The following PAN3 variants were observed in gnomAD, a reference collection of about 807,000 sequenced individuals.
The protein encoded by PAN3 is PAN2-PAN3 deadenylation complex subunit PAN3.
Under a neutral mutation model 96.2 loss-of-function variants are expected in PAN3, and 19 were observed. The ratio of observed to expected loss-of-function variants is 0.20; its 90% confidence interval spans 0.14 to 0.29. The LOEUF (loss-of-function observed/expected upper bound fraction) is 0.29, where lower values mean the gene tolerates loss of function less well. Among genes scored for constraint, PAN3 ranks in the 10% least tolerant of loss-of-function variants. The pLI, the probability that PAN3 is intolerant of heterozygous loss-of-function variation, is 1.00. For synonymous variants in PAN3, 433 were observed against 406.6 expected (o/e 1.06, Z -0.78); for missense variants, 882 against 1,108.1 (o/e 0.80, Z 2.90).
chr13:28,197,155 T>C (rs746880073), intron 4 of PAN3, 30 bp from the exon 5 acceptor site: 4 of 1,602,800 alleles, frequency 2.5e-6, no homozygotes, highest in Non-Finnish European at 3.4e-6. Context: ...ATGTTAGGAG[T>C]GGCCTGGTTT....
At chr13:28,250,545 T>G (rs1884623963) in intron 6 of PAN3, among the ~76,000 whole-genome samples, 1 of 152,180 alleles carries the variant, frequency 6.6e-6, no homozygotes, top group Non-Finnish European at 1.5e-5. Context: ...TTTTGTATTT[T>G]TAGTAGACAC....
chr13:28,192,038 TA>T (rs1345241348), intron 4 of PAN3, among the ~76,000 whole-genome samples: 2 of 145,320 alleles, frequency 1.4e-5, no homozygotes, highest in African/African-American at 5.2e-5. Context: ...TGCTTGGCAC[TA>T]AAACAATACT....
chr13:28,148,151 T>C (rs1870915532), intron 1 of PAN3, among the ~76,000 whole-genome samples: 1 of 152,126 alleles, frequency 6.6e-6, no homozygotes, highest in South Asian at 2.1e-4. Context: ...AGATGGGGTC[T>C]CCCTGTGTTT....
chr13:28,206,009 T>C (rs926251651), intron 5 of PAN3, among the ~76,000 whole-genome samples: 4 of 152,166 alleles, frequency 2.6e-5, no homozygotes, highest in Non-Finnish European at 5.9e-5. Flanking sequence ...TCCAGCAACT[T>C]ATTCCTTCAT....
chr13:28,286,895 A>G (rs1464473587), intron 17 of PAN3, among the ~76,000 whole-genome samples: 1 of 152,098 alleles, frequency 6.6e-6, no homozygotes, highest in Non-Finnish European at 1.5e-5. Flanking sequence ...CAGTTTTAAA[A>G]CATGTCCTAA....
At chr13:28,192,996 CA>C (rs1236576647) in intron 4 of PAN3, among the ~76,000 whole-genome samples, 1 of 152,046 alleles carries the variant, frequency 6.6e-6, no homozygotes, top group Non-Finnish European at 1.5e-5. Context: ...CAGGAGTGTC[CA>C]ATTTTTTGGC....
At chr13:28,264,010 T>G (rs1885953293) in intron 9 of PAN3, among the ~76,000 whole-genome samples, 1 of 152,194 alleles carries the variant, frequency 6.6e-6, no homozygotes, top group African/African-American at 2.4e-5. Context: ...AGTTCACCCA[T>G]TTGACACTTG....
intron 6 of PAN3, among the ~76,000 whole-genome samples, chr13:28,231,629 G>A (rs746563163): frequency 7.9e-5 from 12 of 152,154 alleles, no homozygotes; most frequent in African/African-American, 1.2e-4. Flanking sequence ...GAAAATCAGA[G>A]ATGGAAATTA....
At chr13:28,206,315 CTTT>C (rs71086837) in intron 5 of PAN3, among the ~76,000 whole-genome samples, 2 of 94,928 alleles carry the variant, frequency 2.1e-5, no homozygotes, top group South Asian at 3.6e-4. Context: ...GTCTAACTGA[CTTT>C]TTTTTTTTTT....
chr13:28,141,749 C>G (rs551780279), intron 1 of PAN3, among the ~76,000 whole-genome samples: 1 of 152,036 alleles, frequency 6.6e-6, no homozygotes, highest in Non-Finnish European at 1.5e-5. Context: ...CGGGAGCCAC[C>G]GCACCTGGCC....
intron 5 of PAN3, among the ~76,000 whole-genome samples, chr13:28,210,478 T>C (rs1430012466): frequency 6.6e-6 from 1 of 152,204 alleles, no homozygotes; most frequent in East Asian, 1.9e-4. Context: ...TTTTATCTGA[T>C]TTAGAAAATT....
At chr13:28,197,956 T>TA (rs1421486247) in intron 5 of PAN3, among the ~76,000 whole-genome samples, 1 of 152,076 alleles carries the variant, frequency 6.6e-6, no homozygotes, top group Non-Finnish European at 1.5e-5. Flanking sequence ...ACCCAAGAGT[T>TA]ATTCAGGATA....
intron 7 of PAN3, among the ~76,000 whole-genome samples, chr13:28,258,644 T>C (rs1885417440): frequency 6.6e-6 from 1 of 152,176 alleles, no homozygotes. Flanking sequence ...CACTTCCTTA[T>C]CTCCCAGTAC....
chr13:28,145,417 T>C (rs968768585), intron 1 of PAN3, among the ~76,000 whole-genome samples: 4 of 151,760 alleles, frequency 2.6e-5, no homozygotes, highest in African/African-American at 9.7e-5. Context: ...CTCCGCCTCC[T>C]GGGTTCAAGC....
chr13:28,223,555 T>C (rs1410064127), intron 6 of PAN3, among the ~76,000 whole-genome samples: 4 of 151,130 alleles, frequency 2.6e-5, no homozygotes, highest in Admixed American at 1.3e-4. Context: ...CACTGTTTTT[T>C]TTTTTGTTTT....
intron 6 of PAN3, chr13:28,239,945 T>G (rs138877478): frequency 5.7e-6 from 1 of 176,476 alleles, no homozygotes; most frequent in East Asian, 1.6e-4. Context: ...AGTCTACTTA[T>G]GAATCCAAGT....
intron 6 of PAN3, chr13:28,240,180 T>A (rs899878408): frequency 6.6e-6 from 1 of 152,112 alleles, no homozygotes; most frequent in African/African-American, 2.4e-5. Context: ...ATATAATGAA[T>A]TTTTACCCTA....
chr13:28,271,892 A>C, intron 13 of PAN3, 89 bp from the exon 14 acceptor site: 1 of 831,812 alleles, frequency 1.2e-6, no homozygotes, highest in Non-Finnish European at 1.8e-6. Context: ...ATCCTTCCTA[A>C]TATTTTGGGA....
At chr13:28,212,189 C>T (rs1880130448) in intron 5 of PAN3, among the ~76,000 whole-genome samples, 1 of 152,190 alleles carries the variant, frequency 6.6e-6, no homozygotes, top group Non-Finnish European at 1.5e-5. Context: ...AGTTCCTGTT[C>T]TCACTGGCCA....
Sources: allele counts gnomAD v4.1 joint callset (sites outside exome capture counted in the v4.1 genomes callset), GRCh38; gene constraint gnomAD v4.1.1; transcripts MANE v1.5; gene names NCBI Gene and HGNC (gene_info 2026-07-23, HGNC 2026-07-21).